RNASE12: variants seen among roughly 807,000 people sequenced by gnomAD.
RNASE12 encodes the protein ribonuclease A family member 12 (inactive), also known as probable inactive ribonuclease-like protein 12.
For missense variants in RNASE12, 161 were observed against 177.6 expected (o/e 0.91, Z 0.53); for synonymous variants, 55 against 59.8 (o/e 0.92, Z 0.37).
At chr14:20,590,220 G>C in exon 1 of RNASE12, 1 of 1,585,034 alleles carries the variant, frequency 6.3e-7, no homozygotes, top group South Asian at 1.2e-5. Flanking sequence ...TCTGCCTCAG[G>C]CACAGCCAGC....
At chr14:20,591,126 C>T (rs115679687), upstream of RNASE12, 2,599 of 985,312 alleles carry the variant, frequency 2.6e-3, 18 homozygotes, top group Middle Eastern at 0.026. Flanking sequence ...AACCTTCTTT[C>T]CCGTAATTTT....
chr14:20,590,718 T>C, exon 1 of RNASE12: 1 of 1,613,614 alleles, frequency 6.2e-7, no homozygotes, highest in Non-Finnish European at 8.5e-7. Flanking sequence ...TCACCATTAT[T>C]ATCATCAGAG....
exon 1 of RNASE12, chr14:20,590,413 T>C: frequency 6.2e-7 from 1 of 1,614,228 alleles, no homozygotes; most frequent in Non-Finnish European, 8.5e-7. Flanking sequence ...GACTGTCATT[T>C]TGAACTTTGT....
exon 1 of RNASE12, chr14:20,590,199 C>T (rs914152297): frequency 1.3e-6 from 2 of 1,544,502 alleles, no homozygotes; most frequent in African/African-American, 1.4e-5. Context: ...GCCCCATGTC[C>T]ACGGTCCAGG....
At chr14:20,590,914 T>G, upstream of RNASE12, 1 of 1,427,782 alleles carries the variant, frequency 7.0e-7, no homozygotes, top group East Asian at 2.6e-5. Context: ...GGAGGCATAG[T>G]TCCCCAAGAA....
chr14:20,590,254 T>C lies in RNASE12; in HGVS notation c.*26A>G, dbSNP rs544250115. On this transcript the variant is annotated 3_prime_UTR_variant, in exon 1 of 1. Transcript: ENST00000556526. ...GCTCCAATGCCATTGAGAGAAGAGATCTCAGACTCGGGAGCTGATCTTGAG... is the reference window on the plus strand; with the variant it reads ...GCTCCAATGCCATTGAGAGAAGAGACCTCAGACTCGGGAGCTGATCTTGAG... The C allele has an allele frequency of 3.7e-5, 60 of 1,607,450 alleles. 2 individuals are homozygous for C. In the South Asian group the frequency reaches 6.4e-4, roughly 17 times the overall value.
chr14:20,591,136 T>C (rs1331297955), upstream of RNASE12: 2 of 985,252 alleles, frequency 2.0e-6, no homozygotes, highest in Non-Finnish European at 2.4e-6. Flanking sequence ...CCCGTAATTT[T>C]CTCAACCTTA....
exon 1 of RNASE12, chr14:20,590,208 G>C: frequency 1.9e-6 from 3 of 1,573,712 alleles, no homozygotes; most frequent in Non-Finnish European, 1.7e-6. Context: ...CCACGGTCCA[G>C]GTCTGCCTCA....
chr14:20,590,485 C>A, exon 1 of RNASE12: 2 of 1,614,228 alleles, frequency 1.2e-6, no homozygotes, highest in Non-Finnish European at 1.7e-6. Context: ...GGGAGAAATG[C>A]AAATACCATT....
At chr14:20,590,858 C>T (rs1884563422), upstream of RNASE12, 3 of 1,463,174 alleles carry the variant, frequency 2.1e-6, no homozygotes, top group Non-Finnish European at 2.7e-6. Flanking sequence ...ATTTTATTTC[C>T]TTCTCTCCAC....
upstream of RNASE12, chr14:20,591,219 C>G (rs540558801): frequency 1.0e-6 from 1 of 984,654 alleles, no homozygotes; most frequent in East Asian, 1.1e-4. Flanking sequence ...AAGTCCCTCC[C>G]TCTGTCAATC....
upstream of RNASE12, chr14:20,591,234 T>G: frequency 1.0e-6 from 1 of 985,150 alleles, no homozygotes; most frequent in Non-Finnish European, 1.2e-6. Flanking sequence ...TCAATCCTGC[T>G]TGGCTCTGTG....
rs201311784 is a variant in RNASE12 at position 20,590,376 on chromosome 14, G to C, written c.348C>G (p.Tyr116Ter). The change falls in exon 1 of 1, where the codon TAC becomes TAG. Residue 116 changes from tyrosine (Y) to a stop codon, truncating the protein, a stop_gained. Coordinates refer to ENST00000556526, the Ensembl canonical transcript of RNASE12. LOFTEE classifies it low-confidence loss of function (END_TRUNC). The stretch of plus-strand genomic sequence containing the variant: ...GGGAATAGTGGTACCTGCAGGCAGG[G>C]TATCTTGTGCCTTCAATGAGCTGAC... 6.2e-7 allele frequency: 1 copy of C among 1,614,076 alleles called. No individual in the cohort carries two copies. The highest frequency in any genetic ancestry group is 2.2e-5 in the East Asian group (1 of 44,898).
chr14:20,591,139 C>T (rs1220975995), upstream of RNASE12: 1 of 985,208 alleles, frequency 1.0e-6, no homozygotes, highest in East Asian at 1.1e-4. Context: ...GTAATTTTCT[C>T]AACCTTAAAT....
upstream of RNASE12, chr14:20,591,321 C>CGCTT (rs1884576693): frequency 1.0e-6 from 1 of 984,016 alleles, no homozygotes; most frequent in African/African-American, 1.7e-5. Context: ...TTGACAAAAT[C>CGCTT]GCTTGTGTCT....
Position 20,590,737 on chromosome 14 carries a change from G to T in RNASE12, c.-14C>A. 1 of 1,607,874 alleles carries T rather than the reference G, an allele frequency of 6.2e-7. No individual in the cohort carries two copies. The highest frequency in any genetic ancestry group is 1.1e-5 in the South Asian group (1 of 90,600). On this transcript the variant is annotated 5_prime_UTR_variant, in exon 1 of 1. An upstream open reading frame in the 5' UTR gains an earlier in-frame stop. Transcript: ENST00000556526. ...CATTATTATCATCAGAGGTAAGAGT[G>T]ACTTCGCATCTTTGGCTTTGACTGC...
downstream of RNASE12, chr14:20,590,171 C>T: frequency 1.3e-6 from 2 of 1,508,958 alleles, no homozygotes; most frequent in Non-Finnish European, 8.8e-7. Context: ...AGTGGCTTCC[C>T]CTTCCGCTCA....
At chr14:20,590,392 A>G (rs751491683) in exon 1 of RNASE12, 1 of 1,614,238 alleles carries the variant, frequency 6.2e-7, no homozygotes, top group African/African-American at 1.3e-5. Flanking sequence ...TGTGCCTTCA[A>G]TGAGCTGACA....
At chr14:20,590,405 C>A (rs200012590) in exon 1 of RNASE12, 1 of 1,614,240 alleles carries the variant, frequency 6.2e-7, no homozygotes, top group Non-Finnish European at 8.5e-7. Context: ...AGCTGACAGA[C>A]TGTCATTTTG....
Sources: allele counts gnomAD v4.1 joint callset, GRCh38; gene constraint gnomAD v4.1.1; transcripts MANE v1.5; gene names NCBI Gene and HGNC (gene_info 2026-07-23, HGNC 2026-07-21).